The following ERC2 variants were observed in gnomAD, a reference collection of about 807,000 sequenced individuals.
ERC2 encodes ELKS/RAB6-interacting/CAST family member 2.
ERC2 carries 42 observed loss-of-function variants against 114.8 expected under a neutral mutation model. That is an observed-to-expected ratio of 0.37 (90% CI 0.29 to 0.47). The LOEUF is 0.47. ERC2 is among the 20% of genes least tolerant of loss of function. The probability of loss-of-function intolerance (pLI) is 0.99; values close to 1 mark genes in which losing one functional copy is unlikely to be tolerated. For synonymous variants in ERC2, 454 were observed against 425.5 expected, an observed-to-expected ratio of 1.07 and a Z score of -0.82; for missense variants, 939 against 1,150.7, an observed-to-expected ratio of 0.82 and a Z score of 2.66.
chr3:55,823,507 T>C (rs2060208547), intron 14 of ERC2, among the ~76,000 whole-genome samples: 1 of 152,060 alleles, frequency 6.6e-6, no homozygotes, highest in Non-Finnish European at 1.5e-5. Flanking sequence ...TCATTCATAG[T>C]GCATGCCCCT....
chr3:56,245,948 C>G (rs1330412777), intron 3 of ERC2, among the ~76,000 whole-genome samples: 1 of 152,004 alleles, frequency 6.6e-6, no homozygotes, highest in African/African-American at 2.4e-5. Context: ...AGCTTAATCC[C>G]CAAATAAAGG....
At chr3:56,437,387 G>A (rs2062071839) in intron 1 of ERC2, among the ~76,000 whole-genome samples, 1 of 152,208 alleles carries the variant, frequency 6.6e-6, no homozygotes, top group South Asian at 2.1e-4. Flanking sequence ...TTATGCACTT[G>A]ATAAATGCTT....
chr3:56,254,645 C>T (rs574207771), intron 3 of ERC2, among the ~76,000 whole-genome samples: 3 of 152,288 alleles, frequency 2.0e-5, no homozygotes, highest in South Asian at 4.1e-4. Flanking sequence ...AGTCCCGGGC[C>T]GGGATCTGAA....
intron 1 of ERC2, among the ~76,000 whole-genome samples, chr3:56,460,926 C>G (rs1298894023): frequency 7.2e-6 from 1 of 139,454 alleles, no homozygotes; most frequent in Non-Finnish European, 1.5e-5. Context: ...CAAGACCATC[C>G]TGGCTAACAC....
chr3:56,091,520 C>A (rs2077788938), intron 6 of ERC2, among the ~76,000 whole-genome samples: 1 of 152,174 alleles, frequency 6.6e-6, no homozygotes, highest in Non-Finnish European at 1.5e-5. Context: ...AGAAGCTGGA[C>A]TGGAGTCTGA....
chr3:55,863,981 C>T (rs1013156114), intron 14 of ERC2, among the ~76,000 whole-genome samples: 1 of 151,088 alleles, frequency 6.6e-6, no homozygotes, highest in East Asian at 1.9e-4. Flanking sequence ...CACACACACA[C>T]TCAGAGTTAA....
chr3:55,516,812 T>C (rs1310656148), intron 17 of ERC2, among the ~76,000 whole-genome samples: 2 of 152,214 alleles, frequency 1.3e-5, no homozygotes, highest in African/African-American at 4.8e-5. Context: ...ACAGGTACCA[T>C]TTGTTGCGTG....
chr3:56,456,956 C>A (rs1287833694), intron 1 of ERC2, among the ~76,000 whole-genome samples: 1 of 131,714 alleles, frequency 7.6e-6, no homozygotes, highest in Non-Finnish European at 1.7e-5. Flanking sequence ...TAAATCATAT[C>A]GAAGTAAAGT....
At chr3:56,409,579 G>A (rs952961610) in intron 2 of ERC2, among the ~76,000 whole-genome samples, 30 of 149,556 alleles carry the variant, frequency 2.0e-4, no homozygotes, top group Admixed American at 1.3e-3. Flanking sequence ...GAACTGATCA[G>A]ATTCTCTCAG....
intron 7 of ERC2, among the ~76,000 whole-genome samples, chr3:56,080,443 G>C (rs2077178222): frequency 6.6e-6 from 1 of 152,096 alleles, no homozygotes; most frequent in Non-Finnish European, 1.5e-5. Flanking sequence ...CAGTTTATGT[G>C]ACTATCAAAT....
chr3:55,950,555 A>G lies in ERC2; in HGVS notation c.2273T>C (p.Met758Thr). 1 of 1,613,972 alleles carries G rather than the reference A, an allele frequency of 6.2e-7. No individual in the cohort carries two copies. Among genetic ancestry groups the G allele is most frequent in the Non-Finnish European group, 8.5e-7 (1 of 1,179,874 alleles). ...AELESLTLRH[M>T]KDQNKKVANL... ...GGCCACCTTCTTATTCTGATCTTTC[A>G]TATGCCTGAGAAAAGTCAGCACAGC... The change falls in exon 13 of 18, where the codon ATG (methionine) becomes ACG (threonine). Residue 758 changes from methionine (M) to threonine (T), a missense_variant. Coordinates refer to ENST00000288221, the MANE Select transcript of ERC2 (RefSeq NM_015576.3).
At chr3:55,695,055 T>C (rs1281903377) in intron 16 of ERC2, among the ~76,000 whole-genome samples, 4 of 152,186 alleles carry the variant, frequency 2.6e-5, no homozygotes, top group African/African-American at 9.7e-5. Context: ...TTGGTATCAC[T>C]GATATGTTTT....
intron 17 of ERC2, among the ~76,000 whole-genome samples, chr3:55,635,115 G>A (rs557999921): frequency 2.0e-5 from 3 of 152,058 alleles, no homozygotes; most frequent in African/African-American, 7.2e-5. Flanking sequence ...TCGTGACCTC[G>A]TGATCTGCCT....
chr3:55,930,242 AAAATAAAT>A (rs550948207), intron 13 of ERC2, among the ~76,000 whole-genome samples: 22 of 151,966 alleles, frequency 1.4e-4, no homozygotes, highest in East Asian at 5.8e-4. Context: ...CCGTCTCAAG[AAAATAAAT>A]AAATAAATAA....
intron 14 of ERC2, among the ~76,000 whole-genome samples, chr3:55,877,411 A>G (rs1040114775): frequency 3.3e-5 from 5 of 152,090 alleles, no homozygotes; most frequent in African/African-American, 1.2e-4. Context: ...ACCAACTACA[A>G]CTGGCAGAGT....
At position 55,773,656 on chromosome 3, in the gene ERC2, C is replaced by T. The variant is rs190172281; in HGVS notation, c.2565-38738G>A. Among the ~76,000 whole-genome samples, 231 of 152,292 alleles carry T rather than the reference C, an allele frequency of 1.5e-3. 2 individuals carry two copies. The highest frequency in any genetic ancestry group is 3.4e-3 in the Middle Eastern group (1 of 294). ...CCACCATCCGGAATGGTGCTGCGCA[C>T]AAAGTAGGCCCCCAGTCAATGGTTA... On this transcript the variant is annotated intron_variant, in intron 14 of 17. Coordinates refer to ENST00000288221, the MANE Select transcript of ERC2 (RefSeq NM_015576.3).
chr3:55,704,347 G>C (rs1308359256), intron 15 of ERC2, among the ~76,000 whole-genome samples: 1 of 152,212 alleles, frequency 6.6e-6, no homozygotes, highest in Non-Finnish European at 1.5e-5. Context: ...TCTGGATCAA[G>C]TTAACGATAA....
intron 15 of ERC2, among the ~76,000 whole-genome samples, chr3:55,733,568 A>T (rs1216190739): frequency 2.0e-5 from 3 of 147,816 alleles, no homozygotes; most frequent in African/African-American, 7.8e-5. Flanking sequence ...ACACACACAC[A>T]CACACACACA....
rs1466422205 is a variant in ERC2 at position 56,163,594 on chromosome 3, C to T, written c.1149+9852G>A. On this transcript the variant is annotated intron_variant, in intron 4 of 17. Transcript: ENST00000288221. ...TTTTTAGGTTAGAAAAGTCTTTATC[C>T]TTTATCATTATGTAATGCCTTTCTT... 3.9e-5 allele frequency among the ~76,000 whole-genome samples: 6 copies of T among 152,016 alleles called. No homozygotes were observed. The South Asian group carries it at 1.0e-3, about 26-fold the overall frequency.
Sources: allele counts gnomAD v4.1 joint callset (sites outside exome capture counted in the v4.1 genomes callset), GRCh38; gene constraint gnomAD v4.1.1; transcripts MANE v1.5; gene names NCBI Gene and HGNC (gene_info 2026-07-23, HGNC 2026-07-21).